Variants in RIPPLY3 observed in about 807,000 individuals in gnomAD.
RIPPLY3 encodes ripply transcriptional repressor 3.
In RIPPLY3, 8 loss-of-function variants were observed where a neutral mutation model predicts 11.9. The ratio of observed to expected loss-of-function variants is 0.67; its 90% CI spans 0.40 to 1.21. RIPPLY3 has a LOEUF of 1.21. RIPPLY3 is among the 50% of genes most tolerant of loss of function. The pLI is 0.01. For missense variants in RIPPLY3, 271 were observed against 246.0 expected (o/e 1.10, Z -0.68); for synonymous variants, 102 against 99.0 (o/e 1.03, Z -0.18).
At chr21:37,016,480 A>C (rs2069579989) in intron 3 of RIPPLY3, among the ~76,000 whole-genome samples, 1 of 152,228 alleles carries the variant, frequency 6.6e-6, no homozygotes, top group Non-Finnish European at 1.5e-5. Flanking sequence ...ATAAGCAGTG[A>C]TCAATTGACA....
chr21:37,010,313 G>A lies in RIPPLY3; in HGVS notation c.171+2090G>A, dbSNP rs183958347. Reference sequence around the variant, plus strand: ...TCGAGACTGACCTCACGAACATGGTGAAACCCTGTCTCTACTAAAAATACA... The same window carrying A: ...TCGAGACTGACCTCACGAACATGGTAAAACCCTGTCTCTACTAAAAATACA... On this transcript the variant is annotated intron_variant, in intron 2 of 3. Transcript: ENST00000329553. Among the ~76,000 whole-genome samples the A allele has an allele frequency of 6.5e-3, 983 of 152,236 alleles. 9 individuals carry two copies. The highest frequency in any genetic ancestry group is 0.023 in the African/African-American group (950 of 41,532).
In RIPPLY3 at chr21:37,018,153, T is replaced by G. The variant is rs918168648; in HGVS notation, c.519T>G (p.Gly173=). The G allele has an allele frequency of 2.5e-5, 41 of 1,613,274 alleles. No individual in the cohort carries two copies. The highest frequency in any genetic ancestry group is 3.5e-5 in the Non-Finnish European group (41 of 1,179,818). The stretch of plus-strand genomic sequence containing the variant: ...GAGGGGGTGACCACTGGGGGGAGGG[T>G]CCGCTCCCTCAAGGTGTCTCCTCAA... ...SSGGGDHWGE[G]PLPQGVSSRG... The change falls in exon 4 of 4, where the codon GGT becomes GGG. Residue 173 remains glycine, a synonymous_variant. Coordinates refer to ENST00000329553, the MANE Select transcript of RIPPLY3 (RefSeq NM_018962.3).
intron 2 of RIPPLY3, among the ~76,000 whole-genome samples, chr21:37,011,662 G>A (rs979746826): frequency 1.3e-5 from 2 of 152,280 alleles, no homozygotes; most frequent in East Asian, 1.9e-4. Flanking sequence ...GCTCATCACA[G>A]TGAATTATGA....
chr21:37,009,997 G>A (rs1820663581), intron 2 of RIPPLY3, among the ~76,000 whole-genome samples: 1 of 152,224 alleles, frequency 6.6e-6, no homozygotes, highest in African/African-American at 2.4e-5. Context: ...GTTCCCTGCA[G>A]TCCACCGACG....
chr21:37,006,509 C>G (rs1295682587), upstream of RIPPLY3: 1 of 327,288 alleles, frequency 3.1e-6, no homozygotes, highest in Non-Finnish European at 5.5e-6. The surrounding 1 kb of genome is among the most constrained non-coding windows in gnomAD (Gnocchi z 5.2). Flanking sequence ...CTCGTCTCCT[C>G]CCCATCCCCG....
At chr21:37,006,402 G>A (rs1001050650), upstream of RIPPLY3, among the ~76,000 whole-genome samples, 3 of 151,994 alleles carry the variant, frequency 2.0e-5, no homozygotes, top group Non-Finnish European at 2.9e-5. This position sits in a 1 kb window ranked among gnomAD's most constrained non-coding sequence, Gnocchi z 5.2. Flanking sequence ...CCCTTCTCTG[G>A]TGCCCCCTCC....
At chr21:37,013,455 C>T in intron 2 of RIPPLY3, 96 bp from the exon 3 acceptor site, 1 of 950,082 alleles carries the variant, frequency 1.1e-6, no homozygotes, top group Non-Finnish European at 1.7e-6. Flanking sequence ...ATATGACCAA[C>T]TGCAGATGAC....
At chr21:37,011,726 G>A (rs2069523852) in intron 2 of RIPPLY3, among the ~76,000 whole-genome samples, 1 of 152,034 alleles carries the variant, frequency 6.6e-6, no homozygotes, top group Non-Finnish European at 1.5e-5. Context: ...CAGCACTTTG[G>A]GAGGCCGAGG....
At chr21:37,013,762 C>G in intron 3 of RIPPLY3, 144 bp downstream of exon 3, 1 of 574,474 alleles carries the variant, frequency 1.7e-6, no homozygotes, top group Non-Finnish European at 3.0e-6. Flanking sequence ...TTTCCTTATA[C>G]CAAGGAGATT....
Position 37,007,400 on chromosome 21 carries a change from C to CTTTTTTTTTTTT in RIPPLY3, c.104+539_104+550dup. ...TAGCCAGGCAGGAGAAAGATTCCCT[C>CTTTTTTTTTTTT]TTTTTTTTTTTTTTTTTTTTTTTTT... On this transcript the variant is annotated intron_variant, in intron 1 of 3. Transcript: ENST00000329553. Among the ~76,000 whole-genome samples the CTTTTTTTTTTTT allele has an allele frequency of 2.1e-3, 180 of 86,290 alleles. 21 individuals carry two copies. Among genetic ancestry groups the CTTTTTTTTTTTT allele is most frequent in the African/African-American group, 8.3e-3 (165 of 19,888 alleles). 56.6% of individuals were successfully genotyped at this position (86,290 alleles called of 152,430 possible).
Position 37,018,286 on chromosome 21 carries a change from G to T in RIPPLY3, c.*79G>T, listed in dbSNP as rs1480191202. 8.1e-7 allele frequency: 1 copy of T among 1,229,380 alleles called. No individual in the cohort carries two copies. The highest frequency in any genetic ancestry group is 1.5e-5 in the African/African-American group (1 of 67,938). 76.2% of individuals were successfully genotyped at this position (1,229,380 alleles called of 1,614,324 possible). A position where few individuals can be genotyped will look rare whatever the true frequency, so the allele number is the denominator to read the frequency against. On this transcript the variant is annotated 3_prime_UTR_variant, in exon 4 of 4. Transcript: ENST00000329553. Reference sequence around the variant, plus strand: ...GGGGACACCCGAGCCAGGACACTACGCATCCCTGCTGAGTGTGCAGAGGCT... The same window carrying T: ...GGGGACACCCGAGCCAGGACACTACTCATCCCTGCTGAGTGTGCAGAGGCT...
At chr21:37,015,028 A>T (rs934053812) in intron 3 of RIPPLY3, among the ~76,000 whole-genome samples, 2 of 152,318 alleles carry the variant, frequency 1.3e-5, no homozygotes, top group South Asian at 4.1e-4. Context: ...GCTACTGGCC[A>T]CACCAATGGT....
rs1434548556 is a variant in RIPPLY3 at position 37,006,818 on chromosome 21, G to A, written c.46G>A (p.Gly16Ser). ...CGGAGCCCGGAAGGCGCGGGGGCGC[G>A]GCTGTCACTGCCCCGGGGACGCTCC... ...AAGARKARGR[G>S]CHCPGDAPWR... The change falls in exon 1 of 4, where the codon GGC (glycine) becomes AGC (serine). Residue 16 changes from glycine (G) to serine (S), a missense_variant. Coordinates refer to ENST00000329553, the MANE Select transcript of RIPPLY3 (RefSeq NM_018962.3). This position sits in a 1 kb window ranked among gnomAD's most constrained non-coding sequence, Gnocchi z 5.2. The A allele has an allele frequency of 1.9e-5, 23 of 1,229,696 alleles. No homozygotes were observed. The highest frequency in any genetic ancestry group is 2.3e-5 in the Non-Finnish European group (23 of 986,718). The allele number at this position is 1,229,696 out of a possible 1,614,324, so 76.2% of individuals were successfully genotyped here.
At chr21:37,014,266 C>G (rs563637067) in intron 3 of RIPPLY3, among the ~76,000 whole-genome samples, 1 of 151,862 alleles carries the variant, frequency 6.6e-6, no homozygotes, top group Non-Finnish European at 1.5e-5. Context: ...TGCAGTGAGC[C>G]GAGATCACGC....
intron 2 of RIPPLY3, 31 bp downstream of exon 2, chr21:37,008,254 C>A: frequency 1.2e-6 from 2 of 1,610,158 alleles, no homozygotes; most frequent in Non-Finnish European, 1.7e-6. Context: ...TGTAGGTAAC[C>A]CTTCCAGCCA....
chr21:37,010,301 C>G (rs2146774046), intron 2 of RIPPLY3, among the ~76,000 whole-genome samples: 1 of 152,206 alleles, frequency 6.6e-6, no homozygotes, highest in Middle Eastern at 3.4e-3. Flanking sequence ...AGACTGACCT[C>G]ACGAACATGG....
In RIPPLY3 at chr21:37,017,976, T is replaced by C. The variant is rs556348138; in HGVS notation, c.342T>C (p.Asp114=). The change falls in exon 4 of 4, where the codon GAT becomes GAC. Residue 114 remains aspartate, a synonymous_variant. Coordinates refer to ENST00000329553, the MANE Select transcript of RIPPLY3 (RefSeq NM_018962.3). ...PVQATIDFYD[D]ESTESASEAE... ...AAGCCACGATTGACTTCTACGACGA[T>C]GAGTCTACTGAGTCTGCTTCCGAAG... is the stretch of plus-strand genomic sequence containing the variant. The C allele has an allele frequency of 7.8e-5, 126 of 1,614,158 alleles. 5 individuals carry two copies. In the South Asian group the frequency reaches 1.4e-3, roughly 17 times the overall value.
rs141202591 is a variant in RIPPLY3, at chr21:37,017,952, A to G, written c.318A>G (p.Gln106=). Residue 106 remains glutamine (Q), a synonymous_variant, in exon 4 of 4, where the codon CAA becomes CAG. Transcript: ENST00000329553. ...GEQVLASFPV[Q]ATIDFYDDES... ...AAGTACTGGCCAGTTTCCCAGTGCA[A>G]GCCACGATTGACTTCTACGACGATG... 68 of 1,614,056 alleles carry G rather than the reference A, an allele frequency of 4.2e-5. No individual in the cohort carries two copies. Among genetic ancestry groups the G allele is most frequent in the Non-Finnish European group, 5.6e-5 (66 of 1,180,042 alleles).
At chr21:37,009,778 AC>A (rs2069502028) in intron 2 of RIPPLY3, among the ~76,000 whole-genome samples, 1 of 152,218 alleles carries the variant, frequency 6.6e-6, no homozygotes. Flanking sequence ...GAAATGTTAA[AC>A]GTTAACTTTC....
Sources: gnomAD v4.1 joint callset for allele counts (sites outside exome capture counted in the v4.1 genomes callset) on GRCh38, gnomAD v4.1.1 for gene constraint, Gnocchi (gnomAD v3.1) non-coding constraint, MANE v1.5 for transcripts, NCBI Gene and HGNC (gene_info 2026-07-23, HGNC 2026-07-21) for gene names.